Variants in COL5A3 observed in about 807,000 individuals in gnomAD.
COL5A3 encodes collagen type V alpha 3 chain, also known as collagen alpha-3(V) chain.
Under a neutral mutation model 250.0 loss-of-function variants are expected in COL5A3, and 172 were observed. The observed-to-expected ratio is 0.69, with a 90% confidence interval of 0.61 to 0.78. The LOEUF (loss-of-function observed/expected upper bound fraction) is 0.78. COL5A3 is among the 30% of genes least tolerant of loss of function. The probability of loss-of-function intolerance (pLI) is 0.00; values close to 1 mark genes in which losing one functional copy is unlikely to be tolerated. For missense variants in COL5A3, 2,340 were observed against 2,334.4 expected (o/e 1.00, Z -0.05); for synonymous variants, 937 against 900.4 (o/e 1.04, Z -0.73).
chr19:9,989,112 C>T lies in COL5A3; in HGVS notation c.2145+12G>A, dbSNP rs199849138. ...CTGGTAAATCACTCATACCTGCAAG[C>T]GTATCACCTACCTTCACTCCCCGAG... On this transcript the variant is annotated intron_variant, in intron 27 of 66. Transcript: ENST00000264828. 3.1e-6 allele frequency: 5 copies of T among 1,613,786 alleles called. No individual in the cohort carries two copies. Among genetic ancestry groups the T allele is most frequent in the Admixed American group, 1.7e-5 (1 of 60,020 alleles).
intron 65 of COL5A3, 127 bp downstream of exon 65, chr19:9,962,692 G>A: frequency 1.5e-6 from 1 of 648,268 alleles, no homozygotes; most frequent in Non-Finnish European, 2.7e-6. Flanking sequence ...CCTCCAGCTT[G>A]CGATCCCTAG....
At chr19:9,981,849 A>G (rs2087015594) in intron 32 of COL5A3, among the ~76,000 whole-genome samples, 1 of 152,256 alleles carries the variant, frequency 6.6e-6, no homozygotes, top group Admixed American at 6.5e-5. Flanking sequence ...TGAAAGATAC[A>G]TGAAACACAT....
Position 9,970,989 on chromosome 19 carries a change from C to T in COL5A3, c.3868G>A (p.Asp1290Asn). 1 of 1,561,166 alleles carries T rather than the reference C, an allele frequency of 6.4e-7. No homozygotes were observed. The highest frequency in any genetic ancestry group is 8.6e-7 in the Non-Finnish European group (1 of 1,158,156). The change falls in exon 53 of 67, where the codon GAT becomes AAT. Residue 1290 changes from aspartate to asparagine, a missense_variant. Transcript: ENST00000264828. ...TTCCCACTCACCGGTCCCCCAACAT[C>T]ACCAGGGTCTCCCTTCTCCCCTGGG... ...GSPGEKGDPG[D>N]VGGPGPPGAS...
Position 9,968,791 on chromosome 19 carries a change from GT to G in COL5A3, c.4153-64del. ...TGTGAACTCGAGGTCTGTGTGGGTG[GT>G]TAGGGGATGGTCAAATGGGAAATTA... On this transcript the variant is annotated intron_variant, in intron 57 of 66. Coordinates refer to ENST00000264828, the MANE Select transcript of COL5A3 (RefSeq NM_015719.4). The surrounding 1 kb of genome is among the most constrained non-coding windows in gnomAD (Gnocchi z 4.1). 1 of 1,403,650 alleles carries G rather than the reference GT, an allele frequency of 7.1e-7. No individual in the cohort carries two copies. Among genetic ancestry groups the G allele is most frequent in the Non-Finnish European group, 9.9e-7 (1 of 1,009,582 alleles). The allele number at this position is 1,403,650 out of a possible 1,614,324, so 86.9% of individuals were successfully genotyped here.
At chr19:9,973,136 G>T (rs932551758) in intron 50 of COL5A3, 110 bp from the exon 51 acceptor site, 5 of 943,970 alleles carry the variant, frequency 5.3e-6, no homozygotes, top group African/African-American at 5.0e-5. Flanking sequence ...TGGGGTCAGG[G>T]TTCAGAGTAG....
rs4044577 is a variant in COL5A3, at chr19:10,009,161, GGTGTGTGT to G, written c.88+1129_88+1136del. ...GACTCCAAAGTAAGAAGTGTGCTGT[GGTGTGTGT>G]GTGTGTGTGTGTGTGTGTGTGTGTG... On this transcript the variant is annotated intron_variant, in intron 1 of 66. Transcript: ENST00000264828. The surrounding 1 kb of genome is among the most constrained non-coding windows in gnomAD (Gnocchi z 4.4). Among the ~76,000 whole-genome samples, 7,227 of 140,264 alleles carry G rather than the reference GGTGTGTGT, an allele frequency of 0.052. 488 individuals carry two copies. Among genetic ancestry groups the G allele is most frequent in the African/African-American group, 0.16 (6,016 of 37,820 alleles). The allele number at this position is 140,264 out of a possible 152,430, so 92.0% of individuals were successfully genotyped here.
intron 64 of COL5A3, among the ~76,000 whole-genome samples, chr19:9,963,923 C>G (rs1322530174): frequency 6.6e-6 from 1 of 151,808 alleles, no homozygotes; most frequent in Admixed American, 6.6e-5. Context: ...AATCTCAGCA[C>G]TTTGGGAGGC....
In COL5A3 at chr19:9,989,188, A is replaced by T. The variant is rs780489528; in HGVS notation, c.2092-11T>A. 25 of 1,614,186 alleles carry T rather than the reference A, an allele frequency of 1.5e-5. No homozygotes were observed. The highest frequency in any genetic ancestry group is 2.1e-5 in the Non-Finnish European group (25 of 1,180,006). On this transcript the variant is annotated splice_polypyrimidine_tract_variant and intron_variant, in intron 26 of 66. Coordinates refer to ENST00000264828, the MANE Select transcript of COL5A3 (RefSeq NM_015719.4). ...CGACCCTGGTGGACCCTGGGAGGAA[A>T]ATAAGGTCAGTGCCATTCTAGACAG...
In COL5A3 at chr19:10,010,032, C is replaced by T. The variant is rs537520933; in HGVS notation, c.88+266G>A. ...TCCAAATGCACACACATGCTACACA[C>T]ACATACACACATGCACACACCTGCA... On this transcript the variant is annotated intron_variant, in intron 1 of 66. Transcript: ENST00000264828. Among the ~76,000 whole-genome samples, 115 of 152,300 alleles carry T rather than the reference C, an allele frequency of 7.6e-4. 2 individuals carry two copies. The South Asian group carries it at 0.023, about 30-fold the overall frequency.
rs1451270546 is a variant in COL5A3 at position 9,996,614 on chromosome 19, C to G, written c.1338+1G>C. The G allele has an allele frequency of 7.4e-6, 12 of 1,613,798 alleles. No homozygotes were observed. The highest frequency in any genetic ancestry group is 1.0e-5 in the Non-Finnish European group (12 of 1,179,934). The stretch of plus-strand genomic sequence containing the variant: ...GCTGGGCCACTCCATCTCCTTCTTA[C>G]CGGCATCATGATCACAGTGCCCGGT... On this transcript the variant is annotated splice_donor_variant, in intron 12 of 66. Coordinates refer to ENST00000264828, the MANE Select transcript of COL5A3 (RefSeq NM_015719.4). LOFTEE classifies it high-confidence loss of function.
intron 31 of COL5A3, among the ~76,000 whole-genome samples, chr19:9,984,128 A>G (rs1443890883): frequency 4.0e-5 from 6 of 151,804 alleles, no homozygotes; most frequent in African/African-American, 1.5e-4. Flanking sequence ...GGCTCAAGCA[A>G]TTCTCCTGCC....
chr19:9,965,447 C>T (rs1482253211), intron 64 of COL5A3, among the ~76,000 whole-genome samples: 3 of 148,564 alleles, frequency 2.0e-5, no homozygotes, highest in African/African-American at 5.0e-5. Context: ...TGAGCCACCG[C>T]GCCCGGCCTT....
chr19:9,967,858 G>C lies in COL5A3; in HGVS notation c.4404+46C>G, dbSNP rs941450087. ...GGAGGGTTCTGGTGCAGTGAAGGGG[G>C]TGGGGAGCTGGGATGTGTAAGCCCA... On this transcript the variant is annotated intron_variant, in intron 61 of 66. Transcript: ENST00000264828. 3.2e-6 allele frequency: 5 copies of C among 1,586,496 alleles called. No individual in the cohort carries two copies. In the African/African-American group the frequency reaches 6.7e-5, roughly 21 times the overall value.
chr19:10,003,443 T>A (rs1287442168), intron 6 of COL5A3, 122 bp downstream of exon 6: 1 of 959,354 alleles, frequency 1.0e-6, no homozygotes, highest in African/African-American at 1.7e-5. Context: ...AGATCATAGA[T>A]GAGGGACCAG....
chr19:9,962,142 T>C lies in COL5A3; in HGVS notation c.4851+677A>G, dbSNP rs1441103979. Among the ~76,000 whole-genome samples, 3 of 151,996 alleles carry C rather than the reference T, an allele frequency of 2.0e-5. No homozygotes were observed. The East Asian group carries it at 5.8e-4, about 29-fold the overall frequency. Reference sequence around the variant, plus strand: ...TTTTTTTTGAGACGGAATCTCGCTCTGTTGCCCAGGCTGGAGTGCAGTGGC... The same window carrying C: ...TTTTTTTTGAGACGGAATCTCGCTCCGTTGCCCAGGCTGGAGTGCAGTGGC... On this transcript the variant is annotated intron_variant, in intron 65 of 66. Transcript: ENST00000264828.
At chr19:9,988,225 A>G (rs1163341867) in intron 27 of COL5A3, among the ~76,000 whole-genome samples, 1 of 152,186 alleles carries the variant, frequency 6.6e-6, no homozygotes, top group Non-Finnish European at 1.5e-5. Context: ...CAAGAGCAGA[A>G]CCAGGTCTCA....
intron 31 of COL5A3, among the ~76,000 whole-genome samples, chr19:9,983,582 AAG>A (rs1568418739): frequency 1.7e-5 from 2 of 117,268 alleles, no homozygotes; most frequent in Non-Finnish European, 1.9e-5. Context: ...GAAAGAAAGA[AAG>A]AAAGAAAGAA....
Position 9,973,964 on chromosome 19 carries a change from AT to A in COL5A3, c.3512del (p.His1171LeufsTer97). ...GGGGACCCCGAGGACCTGGAGCTCC[AT>A]GGGGACCCTGTGGAAGGTCAGAATT... is the stretch of plus-strand genomic sequence containing the variant. ...EVGDVGSMGP[H>X]GAPGPRGPQG... On this transcript the variant is annotated frameshift_variant, in exon 48 of 67. Transcript: ENST00000264828. LOFTEE classifies it high-confidence loss of function. The A allele has an allele frequency of 6.5e-7, 1 of 1,540,410 alleles. No individual in the cohort carries two copies. The highest frequency in any genetic ancestry group is 8.7e-7 in the Non-Finnish European group (1 of 1,143,982).
At position 10,005,574 on chromosome 19, in the gene COL5A3, C is replaced by A; in HGVS notation, c.578G>T (p.Gly193Val). ...AACTCCTACCTCGAAAGTCTTTTCC[C>A]CAAGGTCCTGGGTCCCCAGCACAGT... ...GLTVLGTQDL[G>V]EKTFEGDIQE... The change falls in exon 4 of 67, where the codon GGG becomes GTG. Residue 193 changes from glycine to valine, a missense_variant. By Grantham distance (109) the Gly-to-Val change is moderately radical (BLOSUM62 -3). This residue lies in a region of COL5A3 where 1,152 missense variants were observed against 1,146.3 expected (regional missense o/e 1.00). Coordinates refer to ENST00000264828, the MANE Select transcript of COL5A3 (RefSeq NM_015719.4). 6.2e-7 allele frequency: 1 copy of A among 1,614,142 alleles called. No individual in the cohort carries two copies. The highest frequency in any genetic ancestry group is 8.5e-7 in the Non-Finnish European group (1 of 1,180,014).
Sources: gnomAD v4.1 joint callset for allele counts (sites outside exome capture counted in the v4.1 genomes callset) on GRCh38, gnomAD v4.1.1 for gene constraint, gnomAD v4.1.1 regional missense constraint, Gnocchi (gnomAD v3.1) non-coding constraint, MANE v1.5 for transcripts, NCBI Gene and HGNC (gene_info 2026-07-23, HGNC 2026-07-21) for gene names.